TNRC6C: variants seen among roughly 807,000 people sequenced by gnomAD.
TNRC6C encodes the protein trinucleotide repeat-containing gene 6C protein.
A neutral mutation model predicts 153.7 loss-of-function variants in TNRC6C; 20 were observed. That is an observed-to-expected ratio of 0.13 (90% CI 0.09 to 0.19). The LOEUF is 0.19. Among genes scored for constraint, TNRC6C ranks in the 10% least tolerant of loss-of-function variants. TNRC6C has a pLI of 1.00. For synonymous variants in TNRC6C, 811 were observed against 841.4 expected, an observed-to-expected ratio of 0.96 and a Z score of 0.63; for missense variants, 1,987 against 2,172.0, an observed-to-expected ratio of 0.91 and a Z score of 1.69.
chr17:78,078,109 T>A (rs1392008290), intron 9 of TNRC6C, among the ~76,000 whole-genome samples: 1 of 152,220 alleles, frequency 6.6e-6, no homozygotes, highest in Non-Finnish European at 1.5e-5. Flanking sequence ...CCCAGTGTTG[T>A]TACCAATAGT....
At chr17:78,080,508 G>T (rs918704940) in intron 10 of TNRC6C, among the ~76,000 whole-genome samples, 2 of 152,162 alleles carry the variant, frequency 1.3e-5, no homozygotes, top group African/African-American at 2.4e-5. Context: ...TTGCTGTTTG[G>T]CATGGCTCTG....
At chr17:78,006,760 C>T (rs1447081168) in intron 1 of TNRC6C, among the ~76,000 whole-genome samples, 1 of 151,694 alleles carries the variant, frequency 6.6e-6, no homozygotes, top group Non-Finnish European at 1.5e-5. Flanking sequence ...TGTCCCACCA[C>T]TTTACGCAGA....
intron 17 of TNRC6C, 54 bp downstream of exon 20, chr17:78,098,591 G>A: frequency 6.4e-7 from 1 of 1,555,364 alleles, no homozygotes; most frequent in Non-Finnish European, 8.7e-7. Flanking sequence ...TAGGGGATGT[G>A]CTTATCACTT....
rs944079108 is a variant in TNRC6C, at chr17:78,080,244, C to T, written c.3357+703C>T. On this transcript the variant is annotated intron_variant, in intron 10 of 19. Transcript: ENST00000301624. ...GGTGGATCACCTGAGGTCAGGAGTTCGAGACCAGCCTGGCCAATATGGCGA... is the reference window on the plus strand; with the variant it reads ...GGTGGATCACCTGAGGTCAGGAGTTTGAGACCAGCCTGGCCAATATGGCGA... Among the ~76,000 whole-genome samples the T allele has an allele frequency of 5.9e-5, 9 of 152,240 alleles. No individual in the cohort carries two copies. In the East Asian group the frequency reaches 7.7e-4, roughly 13 times the overall value.
chr17:78,096,742 G>A (rs1258389856), intron 16 of TNRC6C, among the ~76,000 whole-genome samples: 2 of 152,216 alleles, frequency 1.3e-5, no homozygotes, highest in Admixed American at 1.3e-4. Flanking sequence ...CCCAATTAGA[G>A]CTCTTTCCAT....
intron 3 of TNRC6C, among the ~76,000 whole-genome samples, chr17:78,056,557 A>T (rs866489871): frequency 1.3e-5 from 2 of 149,632 alleles, no homozygotes; most frequent in South Asian, 4.3e-4. Context: ...TCCGCCTCCC[A>T]GGTTCACGCC....
At chr17:77,976,080 T>C (rs2070993725) in intron 1 of TNRC6C, among the ~76,000 whole-genome samples, 1 of 152,208 alleles carries the variant, frequency 6.6e-6, no homozygotes, top group South Asian at 2.1e-4. Flanking sequence ...ATATATACTA[T>C]TACAGGATTA....
intron 10 of TNRC6C, among the ~76,000 whole-genome samples, chr17:78,081,830 C>T (rs569508392): frequency 6.6e-6 from 1 of 152,280 alleles, no homozygotes; most frequent in East Asian, 1.9e-4. Context: ...ATCTGTGTGC[C>T]GTCTCACTGT....
intron 2 of TNRC6C, among the ~76,000 whole-genome samples, chr17:78,038,352 C>T (rs1486811133): frequency 6.6e-6 from 1 of 152,074 alleles, no homozygotes; most frequent in Non-Finnish European, 1.5e-5. Flanking sequence ...CATAGAACTA[C>T]CACAAATGGG....
chr17:78,038,102 AAG>A (rs2072216769), intron 2 of TNRC6C, among the ~76,000 whole-genome samples: 2 of 152,238 alleles, frequency 1.3e-5, no homozygotes, highest in East Asian at 1.9e-4. Context: ...AAGATGACGT[AAG>A]AGAGTATTTT....
rs530981176 is a variant in TNRC6C at position 78,051,663 on chromosome 17, T to C, written c.2395+206T>C. On this transcript the variant is annotated intron_variant, in intron 3 of 19. Coordinates refer to ENST00000301624, the Ensembl canonical transcript of TNRC6C. ...TGGTTTTCTATTCAAGAAAAAAATA[T>C]ATTAAGCACACTCAGTAGAACATCA... Among the ~76,000 whole-genome samples the C allele has an allele frequency of 3.9e-5, 6 of 152,146 alleles. 1 individual carries two copies. The highest frequency in any genetic ancestry group is 1.2e-4 in the African/African-American group (5 of 41,502).
intron 1 of TNRC6C, among the ~76,000 whole-genome samples, chr17:77,961,954 G>A (rs2070866189): frequency 6.6e-6 from 1 of 152,290 alleles, no homozygotes; most frequent in South Asian, 2.1e-4. Flanking sequence ...GCCAGAGGAG[G>A]GTCAGGGCTG....
chr17:78,050,279 A>G (rs1160840457), exon 3 of TNRC6C: 1 of 1,549,082 alleles, frequency 6.5e-7, no homozygotes, highest in Non-Finnish European at 8.7e-7. Flanking sequence ...TCTGGCAACC[A>G]CAATGAAGGA....
upstream of TNRC6C, among the ~76,000 whole-genome samples, chr17:78,004,690 T>C (rs16970738): frequency 5.3e-3 from 806 of 152,354 alleles, 8 homozygotes; most frequent in African/African-American, 0.018. Flanking sequence ...AAAGCCCTAC[T>C]GTAAACTTCA....
exon 3 of TNRC6C, chr17:78,050,772 C>T (rs2072512970): frequency 1.2e-6 from 2 of 1,604,076 alleles, no homozygotes; most frequent in African/African-American, 1.3e-5. Context: ...AGTCACCCAC[C>T]TGGGGTGAGC....
At chr17:77,995,408 A>T (rs2071313230) in intron 1 of TNRC6C, among the ~76,000 whole-genome samples, 1 of 152,226 alleles carries the variant, frequency 6.6e-6, no homozygotes, top group Non-Finnish European at 1.5e-5. Flanking sequence ...GAAAAAGCTG[A>T]ACATCATGCC....
At position 78,075,742 on chromosome 17, in the gene TNRC6C, G is replaced by A. The variant is rs74333062; in HGVS notation, c.3060+464G>A. ...ACCACAGCTGGCATCTGTGGAAAAC[G>A]CCCTGAATGTTTAGCCAGTCCGGTC... On this transcript the variant is annotated intron_variant, in intron 8 of 19. Transcript: ENST00000301624. The surrounding 1 kb of genome is among the most constrained non-coding windows in gnomAD (Gnocchi z 4.2). Among the ~76,000 whole-genome samples the A allele has an allele frequency of 6.2e-3, 944 of 152,306 alleles. 9 individuals carry two copies. The highest frequency in any genetic ancestry group is 0.022 in the African/African-American group (900 of 41,578).
At chr17:78,022,026 C>A (rs1567919547) in intron 1 of TNRC6C, among the ~76,000 whole-genome samples, 1 of 152,180 alleles carries the variant, frequency 6.6e-6, no homozygotes, top group Non-Finnish European at 1.5e-5. Context: ...TCCTGTAGGT[C>A]TAGCCTTTGG....
intron 1 of TNRC6C, among the ~76,000 whole-genome samples, chr17:77,994,636 A>G (rs1266684571): frequency 6.6e-6 from 1 of 152,150 alleles, no homozygotes; most frequent in East Asian, 1.9e-4. Context: ...CAACGCTTAT[A>G]TGGTGCTGGG....
Sources: allele counts gnomAD v4.1 joint callset (sites outside exome capture counted in the v4.1 genomes callset), GRCh38; gene constraint gnomAD v4.1.1; non-coding constraint Gnocchi (gnomAD v3.1); transcripts MANE v1.5; gene names NCBI Gene and HGNC (gene_info 2026-07-23, HGNC 2026-07-21).